RARB: variants seen among roughly 807,000 people sequenced by gnomAD.
RARB encodes the protein retinoic acid receptor beta, also known as HBV-activated protein.
A neutral mutation model predicts 51.9 loss-of-function variants in RARB; 17 were observed. The ratio of observed to expected loss-of-function variants is 0.33; its 90% confidence interval spans 0.22 to 0.49. The LOEUF (loss-of-function observed/expected upper bound fraction) is 0.49, where lower values mean the gene tolerates loss of function less well. Ranked by LOEUF, RARB falls within the 20% of genes least tolerant of loss-of-function variation. RARB has a pLI of 0.99. For synonymous variants in RARB, 215 were observed against 195.4 expected, an observed-to-expected ratio of 1.10 and a Z score of -0.84; for missense variants, 369 against 550.8, an observed-to-expected ratio of 0.67 and a Z score of 3.30.
intron 5 of RARB, among the ~76,000 whole-genome samples, chr3:25,247,779 G>T (rs554986342): frequency 6.6e-6 from 1 of 152,206 alleles, no homozygotes; most frequent in African/African-American, 2.4e-5. Flanking sequence ...CATCTTGCCC[G>T]GGAATCATTT....
chr3:25,422,424 A>G (rs1707886303), intron 5 of RARB, among the ~76,000 whole-genome samples: 2 of 152,324 alleles, frequency 1.3e-5, no homozygotes, highest in South Asian at 4.1e-4. Flanking sequence ...GCAGCATGGT[A>G]GTGCCATTGG....
At chr3:25,342,441 A>C (rs1390505558) in intron 5 of RARB, among the ~76,000 whole-genome samples, 1 of 152,160 alleles carries the variant, frequency 6.6e-6, no homozygotes, top group African/African-American at 2.4e-5. Flanking sequence ...ATTCAGTCTC[A>C]CTTTCCCATT....
chr3:25,021,771 T>G (rs1435406501), intron 2 of RARB, among the ~76,000 whole-genome samples: 3 of 152,048 alleles, frequency 2.0e-5, no homozygotes, highest in Non-Finnish European at 4.4e-5. Context: ...AAAGAAACAG[T>G]GTTGGCCAGA....
intron 2 of RARB, among the ~76,000 whole-genome samples, chr3:25,479,265 A>G (rs1052702388): frequency 9.9e-5 from 15 of 152,116 alleles, no homozygotes; most frequent in African/African-American, 3.6e-4. Flanking sequence ...TACTCAGTGA[A>G]TCTGTCATGG....
chr3:24,913,669 AATG>A (rs1695048588), intron 2 of RARB, among the ~76,000 whole-genome samples: 1 of 152,214 alleles, frequency 6.6e-6, no homozygotes, highest in African/African-American at 2.4e-5. Context: ...CTTAATGTGA[AATG>A]ATAACACTCA....
At chr3:25,179,367 C>G (rs575252892) in intron 5 of RARB, among the ~76,000 whole-genome samples, 37 of 152,196 alleles carry the variant, frequency 2.4e-4, no homozygotes, top group Non-Finnish European at 4.4e-4. Flanking sequence ...TCACCTTTTA[C>G]TCCATAGTCT....
rs140330936 is a variant in RARB, at chr3:25,213,626, T to C, written c.178+39051T>C. Among the ~76,000 whole-genome samples, 249 of 152,324 alleles carry C rather than the reference T, an allele frequency of 1.6e-3. 2 individuals are homozygous for C. The highest frequency in any genetic ancestry group is 5.7e-3 in the African/African-American group (238 of 41,578). On this transcript the variant is annotated intron_variant, in intron 5 of 11. Transcript: ENST00000383772. ...GGTATGCATAAGTTCAGCTTATTAG[T>C]TTCTGCTGAACAATTTCCTTAAGCC...
intron 1 of RARB, among the ~76,000 whole-genome samples, chr3:24,845,608 C>T (rs1702476823): frequency 6.6e-6 from 1 of 152,174 alleles, no homozygotes; most frequent in Admixed American, 6.5e-5. Flanking sequence ...ATCCATGTGC[C>T]AGATTTGGCA....
chr3:24,928,849 C>T (rs1450844489), intron 2 of RARB, among the ~76,000 whole-genome samples: 2 of 151,992 alleles, frequency 1.3e-5, no homozygotes, highest in African/African-American at 4.8e-5. Flanking sequence ...TATGGCTTAA[C>T]TAAGCATCCT....
chr3:24,945,763 T>G (rs1575084691), intron 2 of RARB, among the ~76,000 whole-genome samples: 2 of 152,228 alleles, frequency 1.3e-5, no homozygotes, highest in African/African-American at 4.8e-5. Flanking sequence ...CTTGTTCTCC[T>G]TGACACCTTA....
In RARB at chr3:24,839,614, G is replaced by A. The variant is rs191606456; in HGVS notation, c.-459+10211G>A. Among the ~76,000 whole-genome samples, 334 of 150,184 alleles carry A rather than the reference G, an allele frequency of 2.2e-3. 1 individual carries two copies. The highest frequency in any genetic ancestry group is 5.0e-3 in the Admixed American group (75 of 15,062). On this transcript the variant is annotated intron_variant, in intron 1 of 11. Transcript: ENST00000383772. ...TCCCAGCTACTTGGGAGGCTGAGGTGGGGGGATCTCTTGACCTCAGGGGCA... is the reference window on the plus strand; with the variant it reads ...TCCCAGCTACTTGGGAGGCTGAGGTAGGGGGATCTCTTGACCTCAGGGGCA...
chr3:25,353,179 T>G (rs1354398968), intron 5 of RARB, among the ~76,000 whole-genome samples: 1 of 152,128 alleles, frequency 6.6e-6, no homozygotes, highest in Non-Finnish European at 1.5e-5. Context: ...AGTTTGGCTT[T>G]TAGTTGTCTC....
At chr3:24,911,189 G>A (rs886397802) in intron 2 of RARB, among the ~76,000 whole-genome samples, 1 of 152,066 alleles carries the variant, frequency 6.6e-6, no homozygotes, top group African/African-American at 2.4e-5. Flanking sequence ...CTTCTCTCTC[G>A]GAAGAAAGTA....
intron 5 of RARB, among the ~76,000 whole-genome samples, chr3:25,307,225 A>C (rs2125431055): frequency 6.6e-6 from 1 of 152,150 alleles, no homozygotes; most frequent in South Asian, 2.1e-4. Flanking sequence ...GTCTCTACTA[A>C]AAATACAAAA....
chr3:25,174,446 A>G (rs1179781725), exon 5 of RARB: 7 of 1,352,008 alleles, frequency 5.2e-6, no homozygotes, highest in Non-Finnish European at 6.9e-6. Context: ...GAACGGACAC[A>G]TGACTCACTA....
At chr3:25,362,580 G>A (rs1169371722) in intron 5 of RARB, among the ~76,000 whole-genome samples, 1 of 152,214 alleles carries the variant, frequency 6.6e-6, no homozygotes. Flanking sequence ...TTTTGTGCTT[G>A]AAACCCAGGG....
chr3:24,967,961 C>T (rs531960879), intron 2 of RARB, among the ~76,000 whole-genome samples: 2 of 152,174 alleles, frequency 1.3e-5, no homozygotes, highest in East Asian at 1.9e-4. Flanking sequence ...TTAGAGTTTC[C>T]GGAAGCAAGC....
Position 25,493,058 on chromosome 3 carries a change from A to G in RARB, c.307-8124A>G, listed in dbSNP as rs571234063. Among the ~76,000 whole-genome samples, 5 of 149,328 alleles carry G rather than the reference A, an allele frequency of 3.3e-5. No homozygotes were observed. In the East Asian group the frequency reaches 9.9e-4, roughly 30 times the overall value. On this transcript the variant is annotated intron_variant, in intron 2 of 7. Coordinates refer to ENST00000330688, the MANE Select transcript of RARB (RefSeq NM_000965.5). ...GAGACAACTCAGCTTTCTTGTTTGG[A>G]GTATGGATTTGTGGTCTTTTTCTTT... is the stretch of plus-strand genomic sequence containing the variant.
chr3:24,939,206 A>T (rs1299648527), intron 2 of RARB, among the ~76,000 whole-genome samples: 1 of 151,666 alleles, frequency 6.6e-6, no homozygotes, highest in Non-Finnish European at 1.5e-5. Context: ...CTTCTCTCAA[A>T]CTCCTGACCT....
Sources: gnomAD v4.1 joint callset for allele counts (sites outside exome capture counted in the v4.1 genomes callset) on GRCh38, gnomAD v4.1.1 for gene constraint, MANE v1.5 for transcripts, NCBI Gene and HGNC (gene_info 2026-07-23, HGNC 2026-07-21) for gene names.